The following NAA11 variants were observed in gnomAD, a reference collection of about 807,000 sequenced individuals.
NAA11 encodes N-alpha-acetyltransferase 11.
NAA11 carries 15 observed loss-of-function variants against 16.1 expected under a neutral mutation model. That is an observed-to-expected ratio of 0.93 (90% CI 0.62 to 1.44). The LOEUF is 1.44. NAA11 is among the 40% of genes most tolerant of loss of function. NAA11 has a pLI of 0.00. For synonymous variants in NAA11, 122 were observed against 112.4 expected (o/e 1.09, Z -0.54); for missense variants, 298 against 291.3 (o/e 1.02, Z -0.17).
At chr4:79,181,812 G>A in the NAA11 span, among the ~76,000 whole-genome samples, 1 of 152,140 alleles carries the variant, frequency 6.6e-6, no homozygotes, top group Non-Finnish European at 1.5e-5. Flanking sequence ...AAGGGATGTG[G>A]CCACTTCCAT....
At chr4:79,314,729 A>G (rs982532181), downstream of NAA11, among the ~76,000 whole-genome samples, 6 of 150,910 alleles carry the variant, frequency 4.0e-5, no homozygotes, top group Non-Finnish European at 7.4e-5. Context: ...TCAGTGTCTG[A>G]GCTAATTCAT....
At chr4:79,174,487 G>T in the NAA11 span, among the ~76,000 whole-genome samples, 1 of 151,160 alleles carries the variant, frequency 6.6e-6, no homozygotes, top group South Asian at 2.1e-4. Flanking sequence ...GAGTATGAAG[G>T]TTACACCCTG....
chr4:79,190,766 C>T, the NAA11 span, among the ~76,000 whole-genome samples: 1 of 151,920 alleles, frequency 6.6e-6, no homozygotes, highest in Non-Finnish European at 1.5e-5. Flanking sequence ...TATTTCCTCA[C>T]CCGGGTATTA....
intron 2 of NAA11, among the ~76,000 whole-genome samples, chr4:79,290,136 T>C (rs1723046670): frequency 6.6e-6 from 1 of 152,138 alleles, no homozygotes; most frequent in Admixed American, 6.5e-5. Flanking sequence ...GAACGCTGGG[T>C]CTCTCCAGGA....
rs756009612 is a variant in NAA11 at position 79,325,502 on chromosome 4, G to A, written c.376C>T (p.Leu126Phe). The A allele has an allele frequency of 6.2e-7, 1 of 1,614,224 alleles. No homozygotes were observed. The highest frequency in any genetic ancestry group is 1.1e-5 in the South Asian group (1 of 91,090). The change falls in exon 1 of 2, where the codon CTC becomes TTC. Residue 126 changes from leucine to phenylalanine, a missense_variant. Physicochemically the swap from Leu to Phe is conservative, Grantham distance 22. Transcript: ENST00000286794. ...RPALHLYSNT[L>F]NFQISEVEPK... The stretch of plus-strand genomic sequence containing the variant: ...TCCACCTCACTAATCTGAAAGTTGA[G>A]GGTGTTAGAATAAAGGTGCAAGGCT...
intron 1 of NAA11, chr4:79,299,603 T>C (rs533920386): frequency 1.3e-4 from 20 of 152,336 alleles, no homozygotes; most frequent in African/African-American, 4.3e-4. Flanking sequence ...GTATTTATTA[T>C]ATATCAGTTG....
At chr4:79,229,512 G>A (rs914695521) in intron 2 of NAA11, among the ~76,000 whole-genome samples, 3 of 151,846 alleles carry the variant, frequency 2.0e-5, no homozygotes, top group African/African-American at 7.3e-5. Context: ...AGATACACAC[G>A]AGTTAAGATT....
the NAA11 span, among the ~76,000 whole-genome samples, chr4:79,216,148 C>A: frequency 6.6e-6 from 1 of 151,718 alleles, no homozygotes; most frequent in African/African-American, 2.4e-5. Flanking sequence ...GTATCTAGTC[C>A]TTTGGGGAGC....
chr4:79,272,591 T>C (rs1722521044), intron 2 of NAA11, among the ~76,000 whole-genome samples: 1 of 152,068 alleles, frequency 6.6e-6, no homozygotes, highest in African/African-American at 2.4e-5. Context: ...TTCTTTTGAT[T>C]AGAAACTACA....
intron 1 of NAA11, among the ~76,000 whole-genome samples, chr4:79,310,311 C>T (rs1004342201): frequency 6.6e-6 from 1 of 152,170 alleles, no homozygotes; most frequent in African/African-American, 2.4e-5. Context: ...GTGGATGAAA[C>T]AATATTTTGG....
the NAA11 span, among the ~76,000 whole-genome samples, chr4:79,202,587 T>C: frequency 9.7e-6 from 1 of 103,310 alleles, no homozygotes; most frequent in Non-Finnish European, 2.1e-5. Flanking sequence ...ATATGTAGTT[T>C]TATATATATA....
intron 2 of NAA11, among the ~76,000 whole-genome samples, chr4:79,264,608 A>T (rs1560433200): frequency 6.6e-6 from 1 of 152,246 alleles, no homozygotes; most frequent in East Asian, 1.9e-4. Context: ...ACACGGCCAG[A>T]TCTCATGTGT....
chr4:79,233,495 A>AT (rs1408437349), intron 2 of NAA11, among the ~76,000 whole-genome samples: 15 of 151,706 alleles, frequency 9.9e-5, no homozygotes, highest in Non-Finnish European at 2.9e-5. Context: ...GGGTTAGAAA[A>AT]TTTTTTCTTA....
intron 2 of NAA11, chr4:79,244,663 C>T (rs930537250): frequency 1.0e-4 from 12 of 120,160 alleles, no homozygotes; most frequent in South Asian, 3.0e-4. Context: ...CCGCTTTCCA[C>T]GGTCTCCCTC....
At chr4:79,295,277 G>A (rs1214580101) in intron 1 of NAA11, among the ~76,000 whole-genome samples, 1 of 152,194 alleles carries the variant, frequency 6.6e-6, no homozygotes, top group Admixed American at 6.5e-5. Context: ...AGCACTGACT[G>A]AGCTGCAGCA....
chr4:79,236,820 G>T (rs1011164954), intron 2 of NAA11, among the ~76,000 whole-genome samples: 1 of 152,090 alleles, frequency 6.6e-6, no homozygotes, highest in Admixed American at 6.6e-5. Flanking sequence ...AACACTTCAT[G>T]GGACCCTTTT....
At chr4:79,258,479 G>A (rs1379523596) in intron 2 of NAA11, among the ~76,000 whole-genome samples, 1 of 152,238 alleles carries the variant, frequency 6.6e-6, no homozygotes, top group Non-Finnish European at 1.5e-5. Context: ...AGCCCAGCTG[G>A]GTGTGCACAT....
chr4:79,266,978 A>G (rs551523505), intron 2 of NAA11, among the ~76,000 whole-genome samples: 1 of 152,348 alleles, frequency 6.6e-6, no homozygotes, highest in African/African-American at 2.4e-5. Context: ...AGCACAGTGA[A>G]AGACAAAAAG....
rs79469198 is a variant in NAA11 at position 79,282,085 on chromosome 4, G to T, written c.*122+11920C>A. On this transcript the variant is annotated intron_variant and NMD_transcript_variant, in intron 2 of 2. Transcript: ENST00000511542. ...GATGGGAATTAACCAACCTTCTAAA[G>T]ATCTAGGGACAAAGTGTCCTGGCAG... Among the ~76,000 whole-genome samples, 906 of 152,214 alleles carry T rather than the reference G, an allele frequency of 6.0e-3. 8 individuals carry two copies. Among genetic ancestry groups the T allele is most frequent in the African/African-American group, 0.021 (862 of 41,536 alleles).
Sources: allele counts gnomAD v4.1 joint callset (sites outside exome capture counted in the v4.1 genomes callset), GRCh38; gene constraint gnomAD v4.1.1; transcripts MANE v1.5; gene names NCBI Gene and HGNC (gene_info 2026-07-23, HGNC 2026-07-21).